PTPN13: variants seen among roughly 807,000 people sequenced by gnomAD.
PTPN13 encodes the protein protein tyrosine phosphatase non-receptor type 13, also known as tyrosine-protein phosphatase non-receptor type 13.
A neutral mutation model predicts 284.0 loss-of-function variants in PTPN13; 191 were observed. The observed-to-expected ratio is 0.67, with a 90% CI of 0.60 to 0.76. The LOEUF is 0.76. Ranked by LOEUF, PTPN13 falls within the 30% of genes least tolerant of loss-of-function variation. The pLI is 0.00. For missense variants in PTPN13, 2,797 were observed against 2,939.9 expected (o/e 0.95, Z 1.12); for synonymous variants, 986 against 1,022.3 (o/e 0.96, Z 0.68).
chr4:86,763,167 C>G lies in PTPN13; in HGVS notation c.3994C>G (p.Gln1332Glu). The change falls in exon 24 of 48, where the codon CAG (glutamine) becomes GAG (glutamate). Residue 1332 changes from glutamine (Q) to glutamate (E), a missense_variant. Physicochemically the swap from Gln to Glu is conservative, Grantham distance 29. Coordinates refer to ENST00000411767, the MANE Select transcript of PTPN13 (RefSeq NM_080683.3). ...DMDEATYSSS[Q>E]DHQTPKQESS... Reference sequence around the variant, plus strand: ...GGATGAAGCCACTTACTCCAGCAGTCAGGATCATCAAACACCAAAACAGGC... The same window carrying G: ...GGATGAAGCCACTTACTCCAGCAGTGAGGATCATCAAACACCAAAACAGGC... 1 of 1,611,198 alleles carries G rather than the reference C, an allele frequency of 6.2e-7. No homozygotes were observed. Among genetic ancestry groups the G allele is most frequent in the Non-Finnish European group, 8.5e-7 (1 of 1,178,804 alleles).
chr4:86,813,992 C>T (rs986227057), intron 47 of PTPN13, among the ~76,000 whole-genome samples: 1 of 149,016 alleles, frequency 6.7e-6, no homozygotes, highest in Non-Finnish European at 1.5e-5. Context: ...CAATTCTATA[C>T]CCTGCTTCTT....
At position 86,720,046 on chromosome 4, in the gene PTPN13, C is replaced by G. The variant is rs1733484352; in HGVS notation, c.1386-2166C>G. Reference sequence around the variant, plus strand: ...AATGTGTTTTAGAAGTGACTTTTCTCTATGCATCTAATTTGGAACCTATGA... The same window carrying G: ...AATGTGTTTTAGAAGTGACTTTTCTGTATGCATCTAATTTGGAACCTATGA... On this transcript the variant is annotated intron_variant, in intron 9 of 47. Coordinates refer to ENST00000411767, the MANE Select transcript of PTPN13 (RefSeq NM_080683.3). Among the ~76,000 whole-genome samples the G allele has an allele frequency of 2.0e-5, 3 of 152,230 alleles. No homozygotes were observed. In the South Asian group the frequency reaches 6.2e-4, roughly 32 times the overall value.
chr4:86,652,089 T>A (rs1725152734), intron 2 of PTPN13, among the ~76,000 whole-genome samples: 1 of 152,136 alleles, frequency 6.6e-6, no homozygotes, highest in Non-Finnish European at 1.5e-5. Flanking sequence ...TGATGAACCA[T>A]CTGTTAAAAA....
At chr4:86,705,828 T>TAA (rs1178952087) in intron 7 of PTPN13, among the ~76,000 whole-genome samples, 4 of 143,502 alleles carry the variant, frequency 2.8e-5, no homozygotes, top group African/African-American at 1.0e-4. Context: ...ACATGTGACT[T>TAA]AAAAAAAAAA....
chr4:86,743,737 A>G (rs1034484686), intron 16 of PTPN13, among the ~76,000 whole-genome samples: 1 of 152,222 alleles, frequency 6.6e-6, no homozygotes, highest in Non-Finnish European at 1.5e-5. Context: ...TAAATAACCA[A>G]GGCTAGAAAT....
intron 10 of PTPN13, among the ~76,000 whole-genome samples, chr4:86,730,609 G>A (rs549219780): frequency 6.7e-6 from 1 of 150,098 alleles, no homozygotes; most frequent in South Asian, 2.1e-4. Context: ...GGGACCTGCT[G>A]AGCCAGGAAC....
chr4:86,782,459 G>A (rs1010362968), intron 37 of PTPN13, among the ~76,000 whole-genome samples, 197 bp downstream of exon 37: 6 of 152,134 alleles, frequency 3.9e-5, no homozygotes, highest in Admixed American at 6.5e-5. Flanking sequence ...ATAGGTAACC[G>A]TACATCATTT....
intron 7 of PTPN13, among the ~76,000 whole-genome samples, chr4:86,706,040 G>A (rs1241500110): frequency 2.0e-5 from 3 of 152,078 alleles, no homozygotes; most frequent in Non-Finnish European, 4.4e-5. Flanking sequence ...AATCTCCTCA[G>A]CATTTCCCCA....
At position 86,734,353 on chromosome 4, in the gene PTPN13, C is replaced by T; in HGVS notation, c.1909C>T (p.Pro637Ser). 1 of 1,557,954 alleles carries T rather than the reference C, an allele frequency of 6.4e-7. No homozygotes were observed. Among genetic ancestry groups the T allele is most frequent in the South Asian group, 1.2e-5 (1 of 83,974 alleles). ...DPDLKLTKVAPEGWKEEPKKK... is the reference protein window; with the variant it reads ...DPDLKLTKVASEGWKEEPKKK... ...TGACTTAAAATTAACCAAAGTGGCC[C>T]CAGAGGGATGGAAAGAAGAACCAAA... is the stretch of plus-strand genomic sequence containing the variant. The change falls in exon 13 of 48, where the codon CCA becomes TCA. Residue 637 changes from proline to serine, a missense_variant. Transcript: ENST00000411767.
chr4:86,604,443 A>G (rs1459717484), intron 1 of PTPN13, among the ~76,000 whole-genome samples: 1 of 152,042 alleles, frequency 6.6e-6, no homozygotes, highest in Non-Finnish European at 1.5e-5. Flanking sequence ...GCATCTCTTT[A>G]TCACTCAGAT....
chr4:86,687,764 A>G (rs1176200711), intron 4 of PTPN13, among the ~76,000 whole-genome samples: 1 of 152,120 alleles, frequency 6.6e-6, no homozygotes, highest in Non-Finnish European at 1.5e-5. Flanking sequence ...GTAAAATGTG[A>G]TCACAGTCTA....
intron 1 of PTPN13, among the ~76,000 whole-genome samples, chr4:86,617,546 G>A (rs1720701027): frequency 6.6e-6 from 1 of 151,952 alleles, no homozygotes; most frequent in African/African-American, 2.4e-5. Flanking sequence ...TTTAGCATTA[G>A]GTATATCTCC....
intron 15 of PTPN13, among the ~76,000 whole-genome samples, chr4:86,736,271 A>G (rs1735492440): frequency 6.6e-6 from 1 of 152,214 alleles, no homozygotes. Context: ...TAGACCTATA[A>G]CCAGCTTTCT....
At chr4:86,743,027 T>C (rs754635368) in intron 16 of PTPN13, among the ~76,000 whole-genome samples, 2 of 152,184 alleles carry the variant, frequency 1.3e-5, no homozygotes, top group African/African-American at 2.4e-5. Context: ...GTTCTTTCTC[T>C]AACACAAAAC....
rs1266951676 is a variant in PTPN13, at chr4:86,693,694, A to T, written c.634+20A>T. Reference sequence around the variant, plus strand: ...CAACAGGTAAGAGTATATTAATAGGAAATGTCTAGGCTTTAACCTTATCCC... The same window carrying T: ...CAACAGGTAAGAGTATATTAATAGGTAATGTCTAGGCTTTAACCTTATCCC... On this transcript the variant is annotated intron_variant, in intron 6 of 47. Coordinates refer to ENST00000411767, the MANE Select transcript of PTPN13 (RefSeq NM_080683.3). 6.7e-7 allele frequency: 1 copy of T among 1,500,518 alleles called. No individual in the cohort carries two copies. The highest frequency in any genetic ancestry group is 9.0e-7 in the Non-Finnish European group (1 of 1,106,474). 93.0% of individuals were successfully genotyped at this position (1,500,518 alleles called of 1,614,324 possible). A position where few individuals can be genotyped will look rare whatever the true frequency, so the allele number is the denominator to read the frequency against.
At chr4:86,762,636 T>C in intron 23 of PTPN13, 91 bp from the exon 24 acceptor site, 1 of 1,010,948 alleles carries the variant, frequency 9.9e-7, no homozygotes, top group East Asian at 2.4e-5. Context: ...CCTTATAAAA[T>C]CCTTCCAACA....
intron 35 of PTPN13, among the ~76,000 whole-genome samples, chr4:86,776,746 G>A (rs972365104): frequency 6.6e-5 from 10 of 152,118 alleles, no homozygotes; most frequent in Admixed American, 2.6e-4. Flanking sequence ...CTAACACAAA[G>A]CTTATTTTAT....
chr4:86,746,577 G>A (rs1736784332), intron 17 of PTPN13, among the ~76,000 whole-genome samples: 1 of 152,114 alleles, frequency 6.6e-6, no homozygotes, highest in African/African-American at 2.4e-5. Context: ...ACAGTCTTTG[G>A]GAATTTGTTC....
intron 38 of PTPN13, among the ~76,000 whole-genome samples, chr4:86,784,982 C>T (rs1042754445): frequency 6.6e-6 from 1 of 152,026 alleles, no homozygotes; most frequent in Non-Finnish European, 1.5e-5. Context: ...AAAGCCGTAT[C>T]ACCAACATTG....
Sources: gnomAD v4.1 joint callset for allele counts (sites outside exome capture counted in the v4.1 genomes callset) on GRCh38, gnomAD v4.1.1 for gene constraint, MANE v1.5 for transcripts, NCBI Gene and HGNC (gene_info 2026-07-23, HGNC 2026-07-21) for gene names.